PCDHA1: variants seen among roughly 807,000 people sequenced by gnomAD.
PCDHA1 encodes protocadherin alpha 1.
Under a neutral mutation model 61.3 loss-of-function variants are expected in PCDHA1, and 42 were observed. The ratio of observed to expected loss-of-function variants is 0.69; its 90% CI spans 0.54 to 0.89. The LOEUF is 0.89. PCDHA1 is among the 40% of genes least tolerant of loss of function. The pLI is 0.00. For synonymous variants in PCDHA1, 610 were observed against 553.8 expected, an observed-to-expected ratio of 1.10 and a Z score of -1.43; for missense variants, 1,256 against 1,235.3, an observed-to-expected ratio of 1.02 and a Z score of -0.25.
intron 1 of PCDHA1, among the ~76,000 whole-genome samples, chr5:140,827,019 A>G (rs139009189): frequency 3.3e-5 from 5 of 152,362 alleles, no homozygotes; most frequent in Admixed American, 3.3e-4. Flanking sequence ...CATTAAAAAT[A>G]TGAATTTAAA....
chr5:140,916,229 A>G (rs2077489205), intron 1 of PCDHA1, among the ~76,000 whole-genome samples: 2 of 152,190 alleles, frequency 1.3e-5, no homozygotes, highest in African/African-American at 4.8e-5. Flanking sequence ...TATGCTTTCC[A>G]GGAGCCAAAG....
chr5:140,854,011 A>T (rs1218448806), intron 1 of PCDHA1: 1 of 394,286 alleles, frequency 2.5e-6, no homozygotes, highest in Non-Finnish European at 3.6e-6. Context: ...AAAAAAAAAA[A>T]ATTAGCCGGG....
At chr5:140,886,554 A>G (rs2061020893) in intron 1 of PCDHA1, among the ~76,000 whole-genome samples, 1 of 152,078 alleles carries the variant, frequency 6.6e-6, no homozygotes, top group South Asian at 2.1e-4. Flanking sequence ...CCAGCTGGGC[A>G]CGGTGGCTCA....
chr5:140,858,198 C>G, intron 1 of PCDHA1: 1 of 1,597,410 alleles, frequency 6.3e-7, no homozygotes, highest in Admixed American at 1.7e-5. Flanking sequence ...CTGCTGTACA[C>G]TGCACTGAGG....
intron 1 of PCDHA1, among the ~76,000 whole-genome samples, chr5:140,908,279 G>T (rs2073895272): frequency 6.6e-6 from 1 of 151,782 alleles, no homozygotes; most frequent in South Asian, 2.1e-4. Flanking sequence ...TGAGGCCATT[G>T]TTGCAAGCTG....
intron 1 of PCDHA1, chr5:140,828,635 G>GTGAAAATAAACAGTGA (rs2150157633): frequency 6.2e-7 from 1 of 1,614,212 alleles, no homozygotes; most frequent in Non-Finnish European, 8.5e-7. Flanking sequence ...CGGGCTAGAT[G>GTGAAAATAAACAGTGA]TGAAAATAAA....
At chr5:140,856,729 G>A (rs1554149028) in intron 1 of PCDHA1, 1 of 1,595,444 alleles carries the variant, frequency 6.3e-7, no homozygotes, top group African/African-American at 1.3e-5. Flanking sequence ...CTGTTTCTCT[G>A]CTGATCCTGG....
intron 1 of PCDHA1, among the ~76,000 whole-genome samples, chr5:140,899,629 G>T (rs2067446538): frequency 6.6e-6 from 1 of 152,116 alleles, no homozygotes; most frequent in African/African-American, 2.4e-5. Flanking sequence ...AAGGATATTG[G>T]TCTAAAATTC....
At chr5:140,795,498 C>A in intron 1 of PCDHA1, 1 of 1,614,166 alleles carries the variant, frequency 6.2e-7, no homozygotes, top group Non-Finnish European at 8.5e-7. Context: ...GTGAGTTTTT[C>A]TTCCTAGATA....
chr5:140,874,685 T>C (rs1212570606), intron 1 of PCDHA1, among the ~76,000 whole-genome samples: 1 of 152,234 alleles, frequency 6.6e-6, no homozygotes, highest in Non-Finnish European at 1.5e-5. Flanking sequence ...AGATTTGTTT[T>C]AACATGTTAT....
chr5:140,825,585 G>A (rs1768643956), intron 1 of PCDHA1: 1 of 151,552 alleles, frequency 6.6e-6, no homozygotes, highest in Non-Finnish European at 1.5e-5. Flanking sequence ...CCCACACCTG[G>A]CTAATTTTTT....
chr5:140,903,688 A>G (rs1392078626), intron 1 of PCDHA1, among the ~76,000 whole-genome samples: 13 of 152,242 alleles, frequency 8.5e-5, no homozygotes, highest in Admixed American at 7.9e-4. Flanking sequence ...TTTGGTAAAT[A>G]GTTTAAAATA....
chr5:140,937,921 A>G (rs1304092674), intron 1 of PCDHA1, among the ~76,000 whole-genome samples: 2 of 152,184 alleles, frequency 1.3e-5, no homozygotes, highest in Non-Finnish European at 2.9e-5. Flanking sequence ...CAAAAAAAAA[A>G]AAAAAAGTTT....
chr5:140,835,862 G>A, intron 1 of PCDHA1: 1 of 1,612,116 alleles, frequency 6.2e-7, no homozygotes, highest in Non-Finnish European at 8.5e-7. Context: ...TGTCCTACTC[G>A]CTGGTGGAGC....
chr5:140,851,102 G>A, intron 1 of PCDHA1: 1 of 1,288,626 alleles, frequency 7.8e-7, no homozygotes, highest in Non-Finnish European at 1.0e-6. Flanking sequence ...ATATTTTTTG[G>A]GTGCTGAATC....
intron 1 of PCDHA1, chr5:140,865,473 G>C (rs1425429584): frequency 6.6e-6 from 1 of 152,122 alleles, no homozygotes; most frequent in African/African-American, 2.4e-5. Context: ...TAAACATTAA[G>C]GAAATCTTCA....
At chr5:140,982,127 C>G (rs1367393953) in intron 2 of PCDHA1, among the ~76,000 whole-genome samples, 1 of 152,244 alleles carries the variant, frequency 6.6e-6, no homozygotes, top group Non-Finnish European at 1.5e-5. Flanking sequence ...CTTTTGAGAA[C>G]AAGCCCTCCT....
At chr5:140,971,695 A>G (rs563817946) in intron 1 of PCDHA1, among the ~76,000 whole-genome samples, 26 of 152,062 alleles carry the variant, frequency 1.7e-4, no homozygotes, top group Admixed American at 5.2e-4. Flanking sequence ...GTACTCACTA[A>G]CCACCCTGCT....
Position 140,786,385 on chromosome 5 carries a change from A to G in PCDHA1, c.95A>G (p.His32Arg), listed in dbSNP as rs1554117366. Reference sequence around the variant, plus strand: ...TGGGAGGTGGGGAGCGGCCAGCTCCACTACTCGATCCCGGAGGAAGCCAAA... The same window carrying G: ...TGGGAGGTGGGGAGCGGCCAGCTCCGCTACTCGATCCCGGAGGAAGCCAAA... ...AAWEVGSGQL[H>R]YSIPEEAKHG... Residue 32 changes from histidine to arginine, a missense_variant, in exon 1 of 4, where the codon CAC becomes CGC. Transcript: ENST00000504120. 19 of 1,613,656 alleles carry G rather than the reference A, an allele frequency of 1.2e-5. No individual in the cohort carries two copies. The highest frequency in any genetic ancestry group is 1.5e-5 in the Non-Finnish European group (18 of 1,180,030).
Sources: allele counts gnomAD v4.1 joint callset (sites outside exome capture counted in the v4.1 genomes callset), GRCh38; gene constraint gnomAD v4.1.1; transcripts MANE v1.5; gene names NCBI Gene and HGNC (gene_info 2026-07-23, HGNC 2026-07-21).